LHX3: variants seen among roughly 807,000 people sequenced by gnomAD.
The protein encoded by LHX3 is LIM/homeobox protein Lhx3.
LHX3 carries 21 observed loss-of-function variants against 32.4 expected under a neutral mutation model. That is an observed-to-expected ratio of 0.65 (90% confidence interval 0.46 to 0.93). The LOEUF (loss-of-function observed/expected upper bound fraction) is 0.93, where lower values mean the gene tolerates loss of function less well. Ranked by LOEUF, LHX3 falls within the 40% of genes least tolerant of loss-of-function variation. The pLI is 0.00. For synonymous variants in LHX3, 258 were observed against 246.8 expected (o/e 1.05, Z -0.43); for missense variants, 626 against 560.0 (o/e 1.12, Z -1.19).
intron 1 of LHX3, among the ~76,000 whole-genome samples, chr9:136,204,266 G>A (rs1357117812): frequency 1.3e-5 from 2 of 152,244 alleles, no homozygotes; most frequent in Non-Finnish European, 2.9e-5. Context: ...GGCCCATGCA[G>A]CCAGCTTTCT....
chr9:136,197,759 A>T lies in LHX3; in HGVS notation c.776-16T>A. ...GAAGGCTCATCTGCAACAGAAGCAG[A>T]GGCTCAGTCAGCGCCTGCCCTCCAC... On this transcript the variant is annotated splice_polypyrimidine_tract_variant and intron_variant, in intron 5 of 5. Coordinates refer to ENST00000371748, the MANE Select transcript of LHX3 (RefSeq NM_178138.6). 6.3e-7 allele frequency: 1 copy of T among 1,598,846 alleles called. No individual in the cohort carries two copies. The highest frequency in any genetic ancestry group is 1.1e-5 in the South Asian group (1 of 90,814).
chr9:136,204,157 T>C (rs1588628798), intron 1 of LHX3, among the ~76,000 whole-genome samples: 1 of 152,372 alleles, frequency 6.6e-6, no homozygotes, highest in African/African-American at 2.4e-5. Context: ...GCTTCTGGAC[T>C]GTGAGCTTTA....
At position 136,197,491 on chromosome 9, in the gene LHX3, C is replaced by T. The variant is rs759542160; in HGVS notation, c.1028G>A (p.Ser343Asn). The change falls in exon 6 of 6, where the codon AGC becomes AAC. Residue 343 changes from serine (S) to asparagine (N), a missense_variant. Ser to Asn is a conservative substitution (Grantham distance 46). Transcript: ENST00000371748. ...GGCTCCCGAGGGCACAAGGCCCAAG[C>T]TGGTGTCTGGGTACACCAGGCTGGA... is the stretch of plus-strand genomic sequence containing the variant. ...LLSSLVYPDT[S>N]LGLVPSGAPG... 4.5e-6 allele frequency: 7 copies of T among 1,558,226 alleles called. No homozygotes were observed. The East Asian group carries it at 1.4e-4, about 32-fold the overall frequency.
rs551916302 is a variant in LHX3, at chr9:136,198,468, A to G, written c.775+184T>C. ...CACCAGGGGAAAAGCAGTGGTCCGG[A>G]GTGGCCACCCAGGGCGGGGAGGGTG... On this transcript the variant is annotated intron_variant, in intron 5 of 5. Transcript: ENST00000371748. Among the ~76,000 whole-genome samples, 134 of 152,294 alleles carry G rather than the reference A, an allele frequency of 8.8e-4. 1 individual carries two copies. Among genetic ancestry groups the G allele is most frequent in the African/African-American group, 3.2e-3 (131 of 41,578 alleles).
At chr9:136,201,510 G>T (rs1386123856) in intron 1 of LHX3, 1 of 1,171,346 alleles carries the variant, frequency 8.5e-7, no homozygotes, top group Non-Finnish European at 1.1e-6. Flanking sequence ...TGGGAGCCTC[G>T]AGTCTGTGAG....
rs968014604 is a variant in LHX3 at position 136,197,205 on chromosome 9, C to T, written c.*120G>A. ...CTGTGCGGTCGGCAGTGGGAGGCTC[C>T]GAAGGCACCAGCCCTCCCTTGACGC... On this transcript the variant is annotated 3_prime_UTR_variant, in exon 6 of 6. Transcript: ENST00000371748. 8.2e-6 allele frequency: 9 copies of T among 1,094,230 alleles called. No homozygotes were observed. Among genetic ancestry groups the T allele is most frequent in the South Asian group, 4.2e-5 (3 of 72,186 alleles). The allele number at this position is 1,094,230 out of a possible 1,614,324, so 67.8% of individuals were successfully genotyped here.
In LHX3 at chr9:136,200,732, C is replaced by T; in HGVS notation, c.101G>A (p.Cys34Tyr). 1 of 1,613,500 alleles carries T rather than the reference C, an allele frequency of 6.2e-7. No homozygotes were observed. Residue 34 changes from cysteine to tyrosine, a missense_variant, in exon 2 of 6, where the codon TGT becomes TAT. Coordinates refer to ENST00000371748, the MANE Select transcript of LHX3 (RefSeq NM_178138.6). ...GAAGCGGTCCAGGATGTGCTGGTCA[C>T]AGCCAGCGCACAGCGGGATCTCTGT... is the stretch of plus-strand genomic sequence containing the variant. ...GTREIPLCAG[C>Y]DQHILDRFIL...
chr9:136,200,357 A>T, intron 2 of LHX3: 1 of 599,684 alleles, frequency 1.7e-6, no homozygotes, highest in Admixed American at 2.9e-5. Context: ...TCCAAATAAT[A>T]CTTGCTGATG....
At position 136,200,591 on chromosome 9, in the gene LHX3, T is replaced by C; in HGVS notation, c.242A>G (p.Asp81Gly). The C allele has an allele frequency of 6.2e-7, 1 of 1,613,404 alleles. No individual in the cohort carries two copies. The highest frequency in any genetic ancestry group is 8.5e-7 in the Non-Finnish European group (1 of 1,180,006). ...AGGTTTCGGGGCTCACTTGAAAAAG[T>C]CGTCCTTGCAGTAAACGCTCTCCCC... ...SRGESVYCKDDFFKRFGTKCA... is the reference protein window; with the variant it reads ...SRGESVYCKDGFFKRFGTKCA... Residue 81 changes from aspartate (D) to glycine (G), a missense_variant, in exon 2 of 6, where the codon GAC becomes GGC. Physicochemically the swap from Asp to Gly is moderately conservative, Grantham distance 94. Transcript: ENST00000371748.
Position 136,197,143 on chromosome 9 carries a change from A to G in LHX3, c.*182T>C. On this transcript the variant is annotated 3_prime_UTR_variant, in exon 6 of 6. Transcript: ENST00000371748. ...TGGCGGGCCAGCCCTGTGTCAGAGG[A>G]GGGGCCAGGTGGGTCCCTCAGCCCC... 1.5e-6 allele frequency: 1 copy of G among 646,046 alleles called. No individual in the cohort carries two copies. Among genetic ancestry groups the G allele is most frequent in the Non-Finnish European group, 2.7e-6 (1 of 373,990 alleles). 40.0% of individuals were successfully genotyped at this position (646,046 alleles called of 1,614,324 possible). A position where few individuals can be genotyped will look rare whatever the true frequency, so the allele number is the denominator to read the frequency against.
chr9:136,197,297 T>C lies in LHX3; in HGVS notation c.*28A>G, dbSNP rs759778819. On this transcript the variant is annotated 3_prime_UTR_variant, in exon 6 of 6. Coordinates refer to ENST00000371748, the MANE Select transcript of LHX3 (RefSeq NM_178138.6). ...CCCACCCAGGGGCAGCTCCCTCGTG[T>C]GAGGTGCAGGGTGGAGCCGGGCCTG... 3.7e-6 allele frequency: 6 copies of C among 1,606,654 alleles called. No individual in the cohort carries two copies. In the African/African-American group the frequency reaches 4.0e-5, roughly 11 times the overall value.
Position 136,199,698 on chromosome 9 carries a change from T to A in LHX3, c.434A>T (p.Tyr145Phe). 1 of 1,612,890 alleles carries A rather than the reference T, an allele frequency of 6.2e-7. No homozygotes were observed. The highest frequency in any genetic ancestry group is 8.5e-7 in the Non-Finnish European group (1 of 1,179,854). The change falls in exon 3 of 6, where the codon TAC becomes TTC. Residue 145 changes from tyrosine to phenylalanine, a missense_variant. Tyr to Phe is a conservative substitution (Grantham distance 22). Transcript: ENST00000371748. ...EDSRLVCKAD[Y>F]ETAKQREAEA... ...CTGACCTCGCTGCTTGGCGGTTTCG[T>A]AGTCCGCCTTGCACACGAGCCGGCT...
chr9:136,203,475 C>T (rs1409428621), intron 1 of LHX3, among the ~76,000 whole-genome samples: 4 of 152,184 alleles, frequency 2.6e-5, no homozygotes, highest in African/African-American at 9.6e-5. Context: ...GCTAAGGTTC[C>T]CGGGAGAGGG....
chr9:136,197,881 C>T (rs1416744293), intron 5 of LHX3, 138 bp from the exon 6 acceptor site: 26 of 893,052 alleles, frequency 2.9e-5, no homozygotes, highest in Non-Finnish European at 3.9e-5. Context: ...TAACAGGCCC[C>T]TTCTACTGTT....
intron 2 of LHX3, chr9:136,200,322 A>T: frequency 3.5e-6 from 2 of 574,338 alleles, no homozygotes; most frequent in South Asian, 4.0e-5. Context: ...TGCTTCTGTG[A>T]TTTAGGTAAT....
At chr9:136,201,157 A>G (rs896302697) in intron 1 of LHX3, 65 of 1,375,928 alleles carry the variant, frequency 4.7e-5, no homozygotes, top group Middle Eastern at 5.4e-4. Context: ...ACGGGTCTTC[A>G]CCATCACCTG....
rs752358733 is a variant in LHX3, at chr9:136,199,102, C to G, written c.455-43G>C. 7 of 1,232,094 alleles carry G rather than the reference C, an allele frequency of 5.7e-6. No homozygotes were observed. In the Admixed American group the frequency reaches 2.9e-4, roughly 51 times the overall value. 76.3% of individuals were successfully genotyped at this position (1,232,094 alleles called of 1,614,324 possible). On this transcript the variant is annotated intron_variant, in intron 3 of 5. Coordinates refer to ENST00000371748, the MANE Select transcript of LHX3 (RefSeq NM_178138.6). Reference sequence around the variant, plus strand: ...GGTGAGGCGCGGCAGCCCCTCCGGCCCCGGCCGGACCCCCAGCCCTCCCAC... The same window carrying G: ...GGTGAGGCGCGGCAGCCCCTCCGGCGCCGGCCGGACCCCCAGCCCTCCCAC...
At chr9:136,204,396 G>A (rs1831710664) in intron 1 of LHX3, among the ~76,000 whole-genome samples, 1 of 152,230 alleles carries the variant, frequency 6.6e-6, no homozygotes, top group East Asian at 1.9e-4. Flanking sequence ...AGCTGCTGCC[G>A]AAGCGATCAG....
Position 136,201,676 on chromosome 9 carries a change from G to A in LHX3, c.80-923C>T, listed in dbSNP as rs564139029. ...GCCGGCTCCAGCCCATCTCCCAGTG[G>A]GTGAGAGACACCAGGAAGGGGCTCC... is the stretch of plus-strand genomic sequence containing the variant. On this transcript the variant is annotated intron_variant, in intron 1 of 5. Transcript: ENST00000371748. The A allele has an allele frequency of 1.5e-4, 151 of 988,732 alleles. No individual in the cohort carries two copies. The South Asian group carries it at 6.1e-3, about 40-fold the overall frequency. 61.2% of individuals were successfully genotyped at this position (988,732 alleles called of 1,614,324 possible).
Sources: gnomAD v4.1 joint callset for allele counts (sites outside exome capture counted in the v4.1 genomes callset) on GRCh38, gnomAD v4.1.1 for gene constraint, MANE v1.5 for transcripts, NCBI Gene and HGNC (gene_info 2026-07-23, HGNC 2026-07-21) for gene names.